Variants in REXO1 observed in about 807,000 individuals in gnomAD.
The protein encoded by REXO1 is REX1, RNA exonuclease 1 homolog.
A neutral mutation model predicts 102.6 loss-of-function variants in REXO1; 42 were observed. The ratio of observed to expected loss-of-function variants is 0.41; its 90% CI spans 0.32 to 0.53. The LOEUF is 0.53. REXO1 is among the 20% of genes least tolerant of loss of function. The pLI is 0.27. For missense variants in REXO1, 1,819 were observed against 1,732.5 expected (o/e 1.05, Z -0.89); for synonymous variants, 908 against 779.1 (o/e 1.17, Z -2.76).
intron 3 of REXO1, among the ~76,000 whole-genome samples, chr19:1,825,273 C>T (rs2069675356): frequency 7.5e-6 from 1 of 134,154 alleles, no homozygotes; most frequent in African/African-American, 2.8e-5. Context: ...GCACTCCAGC[C>T]TGGGTAACAG....
rs1477386037 is a variant in REXO1 at position 1,826,871 on chromosome 19, G to C, written c.1911+7C>G. 1 of 1,568,150 alleles carries C rather than the reference G, an allele frequency of 6.4e-7. No individual in the cohort carries two copies. Among genetic ancestry groups the C allele is most frequent in the Non-Finnish European group, 8.6e-7 (1 of 1,157,944 alleles). Reference sequence around the variant, plus strand: ...CCGAGCCCAGCCCCAGCACCCGCGCGCCTCACCTGCCGGGCCAGCCGGCCT... The same window carrying C: ...CCGAGCCCAGCCCCAGCACCCGCGCCCCTCACCTGCCGGGCCAGCCGGCCT... On this transcript the variant is annotated splice_region_variant and intron_variant, in intron 2 of 15. Transcript: ENST00000170168. This position sits in a 1 kb window ranked among gnomAD's most constrained non-coding sequence, Gnocchi z 4.3.
chr19:1,828,493 C>T lies in REXO1; in HGVS notation c.296G>A (p.Arg99His), dbSNP rs767880392. Residue 99 changes from arginine to histidine, a missense_variant, in exon 2 of 16, where the codon CGC becomes CAC. Physicochemically the swap from Arg to His is conservative, Grantham distance 29. Transcript: ENST00000170168. Reference sequence around the variant, plus strand: ...CCGCTGCTCCAGCTCCACCTCACTGCGCACGGCCTCGATGGCCTGGTTGAC... The same window carrying T: ...CCGCTGCTCCAGCTCCACCTCACTGTGCACGGCCTCGATGGCCTGGTTGAC... The part of the protein sequence containing the change: ...ELVNQAIEAV[R>H]SEVELEQRRY... 3.1e-6 allele frequency: 5 copies of T among 1,605,148 alleles called. No homozygotes were observed. The highest frequency in any genetic ancestry group is 1.3e-5 in the African/African-American group (1 of 74,910).
At chr19:1,846,640 G>C (rs1480610081) in intron 1 of REXO1, among the ~76,000 whole-genome samples, 1 of 152,216 alleles carries the variant, frequency 6.6e-6, no homozygotes, top group Non-Finnish European at 1.5e-5. Context: ...TGTAACCCCA[G>C]CACTTTGGGA....
chr19:1,844,724 C>T (rs548986961), intron 1 of REXO1, among the ~76,000 whole-genome samples: 40 of 152,356 alleles, frequency 2.6e-4, no homozygotes, highest in Non-Finnish European at 4.7e-4. Context: ...GCGGGATCCC[C>T]GAGGGCAGGA....
intron 5 of REXO1, among the ~76,000 whole-genome samples, chr19:1,821,172 C>T (rs1161762511): frequency 6.6e-6 from 1 of 151,914 alleles, no homozygotes; most frequent in African/African-American, 2.4e-5. Flanking sequence ...ATGGTGAAAC[C>T]CCGTTTCTAC....
chr19:1,847,125 G>T (rs911326822), intron 1 of REXO1, among the ~76,000 whole-genome samples: 2 of 152,222 alleles, frequency 1.3e-5, no homozygotes, highest in African/African-American at 2.4e-5. Flanking sequence ...CAGCGAAGAC[G>T]CTGGGCTGTG....
chr19:1,823,362 A>T, intron 4 of REXO1: 1 of 398,436 alleles, frequency 2.5e-6, no homozygotes. Context: ...GAGCTGGGTC[A>T]GGGAAGGAAG....
Position 1,820,304 on chromosome 19 carries a change from C to T in REXO1, c.2486G>A (p.Cys829Tyr), listed in dbSNP as rs1318937716. 1.2e-6 allele frequency: 2 copies of T among 1,613,896 alleles called. No individual in the cohort carries two copies. The highest frequency in any genetic ancestry group is 2.2e-5 in the South Asian group (2 of 91,078). ...QRYLNLFIEE[C>Y]LKFCTSNQEA... is the part of the protein sequence containing the mutation. ...CTGGTTGGAGGTACAGAACTTGAGA[C>T]ACTCCTCGATGAACAGGTTGAGATA... Residue 829 changes from cysteine to tyrosine, a missense_variant, in exon 6 of 16, where the codon TGT becomes TAT. Cys to Tyr is a radical substitution (Grantham distance 194). Coordinates refer to ENST00000170168, the MANE Select transcript of REXO1 (RefSeq NM_020695.4).
Position 1,816,325 on chromosome 19 carries a change from C to A in REXO1, c.3477G>T (p.Val1159=). ...LALKVIHSTV[V]DTSVLFPHRL... ...GGTGGGGGAAGAGCACAGACGTGTC[C>A]ACCACGGTGCTGTGGATGACCTGTG... Residue 1159 remains valine, a synonymous_variant, in exon 15 of 16, where the codon GTG becomes GTT. Transcript: ENST00000170168. 1 of 1,589,886 alleles carries A rather than the reference C, an allele frequency of 6.3e-7. No individual in the cohort carries two copies. Among genetic ancestry groups the A allele is most frequent in the Non-Finnish European group, 8.6e-7 (1 of 1,168,324 alleles).
rs1049876049 is a variant in REXO1, at chr19:1,827,358, G to C, written c.1431C>G (p.Leu477=). Residue 477 remains leucine (L), a synonymous_variant, in exon 2 of 16, where the codon CTC becomes CTG. Coordinates refer to ENST00000170168, the MANE Select transcript of REXO1 (RefSeq NM_020695.4). ...PAAGRGPPRP[L]QLPDRKSTKA... ...TGGTGCTCTTCCTGTCGGGCAGCTGGAGGGGGCGGGGTGGGCCTCTGCCGG... is the reference window on the plus strand; with the variant it reads ...TGGTGCTCTTCCTGTCGGGCAGCTGCAGGGGGCGGGGTGGGCCTCTGCCGG... 5.8e-6 allele frequency: 9 copies of C among 1,548,590 alleles called. No homozygotes were observed. The Middle Eastern group carries it at 5.2e-4, about 89-fold the overall frequency.
At chr19:1,839,198 T>C (rs2011192162) in intron 1 of REXO1, among the ~76,000 whole-genome samples, 1 of 148,608 alleles carries the variant, frequency 6.7e-6, no homozygotes. Flanking sequence ...GAAGTTGCAG[T>C]GAGCCAAGAT....
In REXO1 at chr19:1,815,621, GTCA is replaced by G; in HGVS notation, c.*442_*444del. The G allele has an allele frequency of 9.3e-7, 1 of 1,076,792 alleles. No homozygotes were observed. Among genetic ancestry groups the G allele is most frequent in the Non-Finnish European group, 1.2e-6 (1 of 849,432 alleles). The allele number at this position is 1,076,792 out of a possible 1,614,324, so 66.7% of individuals were successfully genotyped here. A position where few individuals can be genotyped will look rare whatever the true frequency, so the allele number is the denominator to read the frequency against. On this transcript the variant is annotated 3_prime_UTR_variant, in exon 16 of 16. Coordinates refer to ENST00000170168, the MANE Select transcript of REXO1 (RefSeq NM_020695.4). The surrounding 1 kb of genome is among the most constrained non-coding windows in gnomAD (Gnocchi z 4.0). ...TCCCGGTGGGAAAGATGCTGTGCAA[GTCA>G]TCAGGTTTAAATTAAAAATAATAAA...
At position 1,828,639 on chromosome 19, in the gene REXO1, G is replaced by A. The variant is rs758902712; in HGVS notation, c.158-8C>T. On this transcript the variant is annotated splice_polypyrimidine_tract_variant and splice_region_variant and intron_variant, in intron 1 of 15. Coordinates refer to ENST00000170168, the MANE Select transcript of REXO1 (RefSeq NM_020695.4). Reference sequence around the variant, plus strand: ...AGGGGTCGTAACCCAGCCCTGAAGGGAACAGAGAGCACAGCTGTGACCAGC... The same window carrying A: ...AGGGGTCGTAACCCAGCCCTGAAGGAAACAGAGAGCACAGCTGTGACCAGC... 3 of 1,592,606 alleles carry A rather than the reference G, an allele frequency of 1.9e-6. No homozygotes were observed. The highest frequency in any genetic ancestry group is 4.5e-5 in the East Asian group (2 of 44,586).
chr19:1,824,633 G>A (rs1230713312), intron 3 of REXO1: 1 of 152,208 alleles, frequency 6.6e-6, no homozygotes, highest in Non-Finnish European at 1.5e-5. Context: ...CAGGAGTTCT[G>A]CTAAAATTGA....
chr19:1,817,301 C>A lies in REXO1; in HGVS notation c.3119G>T (p.Arg1040Leu). Residue 1040 changes from arginine to leucine, a missense_variant, in exon 12 of 16, where the codon CGC (arginine) becomes CTC (leucine). Arg to Leu is a moderately radical substitution (Grantham distance 102). Transcript: ENST00000170168. ...KQHVQDGRKE[R>L]LEGFVKTFEK... ...AAAGGTCTTCACGAAGCCCTCAAGGCGCTCCTTCCGGCCATCCTGCACGTG... is the reference window on the plus strand; with the variant it reads ...AAAGGTCTTCACGAAGCCCTCAAGGAGCTCCTTCCGGCCATCCTGCACGTG... 2.5e-6 allele frequency: 4 copies of A among 1,612,938 alleles called. No homozygotes were observed. Among genetic ancestry groups the A allele is most frequent in the Non-Finnish European group, 3.4e-6 (4 of 1,180,004 alleles).
At chr19:1,847,760 G>C (rs1294742571) in intron 1 of REXO1, among the ~76,000 whole-genome samples, 1 of 152,240 alleles carries the variant, frequency 6.6e-6, no homozygotes, top group African/African-American at 2.4e-5. Flanking sequence ...GCCGCTGCCA[G>C]AGGCGCGGCC....
chr19:1,836,447 A>G (rs566634903), intron 1 of REXO1, among the ~76,000 whole-genome samples: 4 of 152,224 alleles, frequency 2.6e-5, no homozygotes, highest in African/African-American at 9.6e-5. Context: ...CAGTGGCTCT[A>G]AAGAACCCGG....
Position 1,830,858 on chromosome 19 carries a change from C to T in REXO1, c.158-2227G>A, listed in dbSNP as rs189565890. On this transcript the variant is annotated intron_variant, in intron 1 of 15. Transcript: ENST00000170168. ...AGGGCAGGTACAGATGCGTCTGGTGCAGCCTTCACTGCAAAAACACAACAA... is the reference window on the plus strand; with the variant it reads ...AGGGCAGGTACAGATGCGTCTGGTGTAGCCTTCACTGCAAAAACACAACAA... The T allele has an allele frequency of 2.2e-3, 341 of 155,804 alleles. 8 individuals carry two copies. The highest frequency in any genetic ancestry group is 3.0e-3 in the Non-Finnish European group (205 of 69,028). The allele number at this position is 155,804 out of a possible 1,614,324, so 9.7% of individuals were successfully genotyped here.
intron 1 of REXO1, among the ~76,000 whole-genome samples, chr19:1,829,606 C>T (rs1261474056): frequency 6.6e-6 from 1 of 152,084 alleles, no homozygotes; most frequent in Non-Finnish European, 1.5e-5. Flanking sequence ...GTCGGGAGTT[C>T]AAGACCAGCC....
Sources: gnomAD v4.1 joint callset for allele counts (sites outside exome capture counted in the v4.1 genomes callset) on GRCh38, gnomAD v4.1.1 for gene constraint, Gnocchi (gnomAD v3.1) non-coding constraint, MANE v1.5 for transcripts, NCBI Gene and HGNC (gene_info 2026-07-23, HGNC 2026-07-21) for gene names.